The following CFAP161 variants were observed in gnomAD, a reference collection of about 807,000 sequenced individuals.
CFAP161 encodes the protein cilia- and flagella-associated protein 161.
In CFAP161, 25 loss-of-function variants were observed where a neutral mutation model predicts 29.0. That is an observed-to-expected ratio of 0.86 (90% CI 0.63 to 1.20). CFAP161 has a LOEUF of 1.20. Among genes scored for constraint, CFAP161 ranks in the 50% most tolerant of loss-of-function variants. The pLI, the probability that CFAP161 is intolerant of heterozygous loss-of-function variation, is 0.00. For missense variants in CFAP161, 367 were observed against 371.9 expected (o/e 0.99, Z 0.11); for synonymous variants, 116 against 137.4 (o/e 0.84, Z 1.09).
At chr15:81,122,729 GA>G (rs1349474834) in intron 1 of CFAP161, among the ~76,000 whole-genome samples, 1 of 151,738 alleles carries the variant, frequency 6.6e-6, no homozygotes, top group Non-Finnish European at 1.5e-5. Flanking sequence ...TGACCTCAAG[GA>G]ATCTGCCTGC....
chr15:81,143,964 C>A (rs1894961893), intron 5 of CFAP161, 144 bp downstream of exon 5: 3 of 900,912 alleles, frequency 3.3e-6, no homozygotes, highest in Non-Finnish European at 4.8e-6. Flanking sequence ...TTATAACACA[C>A]AGACTTATAG....
intron 5 of CFAP161, among the ~76,000 whole-genome samples, chr15:81,147,471 T>A (rs778960238): frequency 1.6e-4 from 24 of 152,140 alleles, no homozygotes; most frequent in Non-Finnish European, 2.8e-4. Context: ...GATTTATACA[T>A]CATAAATGTA....
chr15:81,134,367 G>A lies in CFAP161; in HGVS notation c.38G>A (p.Gly13Asp). ...QNVYGPGVRIGNWNEDVYLEE... is the reference protein window; with the variant it reads ...QNVYGPGVRIDNWNEDVYLEE... Reference sequence around the variant, plus strand: ...GTGTATGGTCCGGGAGTCCGGATAGGCAACTGGAATGAGGATGTCTACCTG... The same window carrying A: ...GTGTATGGTCCGGGAGTCCGGATAGACAACTGGAATGAGGATGTCTACCTG... The change falls in exon 1 of 7, where the codon GGC becomes GAC. Residue 13 changes from glycine (G) to aspartate (D), a missense_variant. Transcript: ENST00000286732. The A allele has an allele frequency of 6.3e-7, 1 of 1,591,274 alleles. No homozygotes were observed.
chr15:81,099,766 C>T (rs1403920598), intron 1 of CFAP161, among the ~76,000 whole-genome samples: 1 of 152,078 alleles, frequency 6.6e-6, no homozygotes, highest in Non-Finnish European at 1.5e-5. Context: ...GTTAGAGAGG[C>T]TAAATATATA....
At chr15:81,101,618 G>C (rs1894305286) in intron 1 of CFAP161, among the ~76,000 whole-genome samples, 1 of 148,454 alleles carries the variant, frequency 6.7e-6, no homozygotes, top group South Asian at 2.2e-4. Flanking sequence ...TGTTATTATA[G>C]TAGGGAGCAT....
At chr15:81,122,181 T>G (rs920022539) in intron 1 of CFAP161, among the ~76,000 whole-genome samples, 2 of 152,202 alleles carry the variant, frequency 1.3e-5, no homozygotes, top group African/African-American at 4.8e-5. Flanking sequence ...AACATACACA[T>G]GCATGTGTCT....
intron 4 of CFAP161, among the ~76,000 whole-genome samples, chr15:81,138,591 A>G (rs557565882): frequency 6.6e-6 from 1 of 152,292 alleles, no homozygotes; most frequent in Admixed American, 6.5e-5. Context: ...TGCATAAATC[A>G]GGGAGCCTTG....
chr15:81,144,411 A>G (rs575260708), intron 5 of CFAP161, among the ~76,000 whole-genome samples: 1 of 152,308 alleles, frequency 6.6e-6, no homozygotes, highest in South Asian at 2.1e-4. Context: ...CCTGGGCAAC[A>G]TGGCAAAACC....
intron 1 of CFAP161, among the ~76,000 whole-genome samples, chr15:81,121,079 T>C (rs1894566768): frequency 6.6e-6 from 1 of 152,242 alleles, no homozygotes; most frequent in Admixed American, 6.5e-5. Context: ...AGAAAAACTT[T>C]TAAATAATTT....
chr15:81,109,156 T>G (rs1456613223), intron 1 of CFAP161, among the ~76,000 whole-genome samples: 1 of 152,184 alleles, frequency 6.6e-6, no homozygotes, highest in Non-Finnish European at 1.5e-5. Flanking sequence ...ATGTTATCAT[T>G]CTTTGGTCCT....
chr15:81,116,785 A>G (rs911871483), intron 1 of CFAP161, among the ~76,000 whole-genome samples: 1 of 152,162 alleles, frequency 6.6e-6, no homozygotes, highest in Non-Finnish European at 1.5e-5. Context: ...GTAGGGCTTT[A>G]GGAATAGGGC....
upstream of CFAP161, among the ~76,000 whole-genome samples, chr15:81,132,964 C>G (rs1894731648): frequency 6.6e-6 from 1 of 151,692 alleles, no homozygotes; most frequent in Admixed American, 6.6e-5. Flanking sequence ...TCAGAAGTAT[C>G]CTCGAATGTG....
chr15:81,118,252 C>T (rs1348203916), intron 1 of CFAP161: 7 of 507,296 alleles, frequency 1.4e-5, no homozygotes, highest in African/African-American at 4.0e-5. Flanking sequence ...ATTTATTAAA[C>T]GGAGGAACTC....
intron 1 of CFAP161, 150 bp downstream of exon 1, chr15:81,134,548 C>G (rs1397210102): frequency 1.2e-6 from 1 of 812,270 alleles, no homozygotes; most frequent in African/African-American, 1.7e-5. Context: ...TCTAAACTCC[C>G]AAGGAATCTC....
chr15:81,134,472 C>T, intron 1 of CFAP161, 74 bp downstream of exon 1: 1 of 1,452,042 alleles, frequency 6.9e-7, no homozygotes. Context: ...CAGTCTCCTA[C>T]TTTGAGCGCC....
intron 1 of CFAP161, among the ~76,000 whole-genome samples, chr15:81,125,018 G>T (rs1442166033): frequency 6.6e-6 from 1 of 151,220 alleles, no homozygotes; most frequent in Non-Finnish European, 1.5e-5. Context: ...AATGACCCAG[G>T]CATAGATACC....
chr15:81,137,131 A>T (rs74028080), intron 3 of CFAP161, among the ~76,000 whole-genome samples: 3,352 of 152,110 alleles, frequency 0.022, 130 homozygotes, highest in African/African-American at 0.077. Context: ...GTAGTTTAAT[A>T]CAATGTGGCA....
intron 5 of CFAP161, among the ~76,000 whole-genome samples, chr15:81,144,232 G>T (rs1005595533): frequency 1.3e-5 from 2 of 152,206 alleles, no homozygotes; most frequent in African/African-American, 4.8e-5. Context: ...ACTGATGTGC[G>T]ATCATGAGCG....
intron 5 of CFAP161, among the ~76,000 whole-genome samples, chr15:81,146,057 C>G (rs1895000675): frequency 6.6e-6 from 1 of 152,178 alleles, no homozygotes; most frequent in African/African-American, 2.4e-5. Context: ...TATTTAGTGG[C>G]TTAGCCAATG....
Sources: allele counts gnomAD v4.1 joint callset (sites outside exome capture counted in the v4.1 genomes callset), GRCh38; gene constraint gnomAD v4.1.1; transcripts MANE v1.5; gene names NCBI Gene and HGNC (gene_info 2026-07-23, HGNC 2026-07-21).